The following EEF1D variants were observed in gnomAD, a reference collection of about 807,000 sequenced individuals.
EEF1D encodes the protein eukaryotic translation elongation factor 1 delta.
A neutral mutation model predicts 63.9 loss-of-function variants in EEF1D; 47 were observed. The ratio of observed to expected loss-of-function variants is 0.74; its 90% confidence interval spans 0.58 to 0.94. EEF1D has a LOEUF of 0.94. EEF1D is among the 40% of genes least tolerant of loss of function. EEF1D has a pLI of 0.00. For missense variants in EEF1D, 907 were observed against 899.0 expected (o/e 1.01, Z -0.11); for synonymous variants, 412 against 386.1 (o/e 1.07, Z -0.79).
rs145499695 is a variant in EEF1D at position 143,580,192 on chromosome 8, C to T, written c.1725G>A (p.Thr575=). ...LLDVKPWDDE[T]DMAQLEACVR... ...CACAGGCCTCCAGCTGGGCCATGTC[C>T]GTCTCATCATCCCACTGTGGGGAAA... The change falls in exon 9 of 10, where the codon ACG becomes ACA. Residue 575 remains threonine, a synonymous_variant. Transcript: ENST00000618139. The T allele has an allele frequency of 7.8e-5, 126 of 1,613,344 alleles. No homozygotes were observed. In the African/African-American group the frequency reaches 1.5e-3, roughly 19 times the overall value.
intron 5 of EEF1D, among the ~76,000 whole-genome samples, chr8:143,585,113 C>T (rs920004492): frequency 8.2e-4 from 125 of 152,226 alleles, no homozygotes; most frequent in African/African-American, 2.9e-3. Flanking sequence ...ATCTCCGGCG[C>T]CCACGTCCCA....
At chr8:143,586,937 G>A in intron 3 of EEF1D, 85 bp from the exon 4 acceptor site, 1 of 1,560,636 alleles carries the variant, frequency 6.4e-7, no homozygotes, top group South Asian at 1.2e-5. Flanking sequence ...GGTGCAGTGG[G>A]GCTGACACCC....
intron 3 of EEF1D, 191 bp downstream of exon 3, chr8:143,588,800 T>C (rs1587181425): frequency 6.6e-6 from 5 of 754,018 alleles, no homozygotes; most frequent in Admixed American, 3.1e-5. Flanking sequence ...TCAAGCAGTG[T>C]CCCTGGAACC....
chr8:143,585,307 T>C (rs1008440055), intron 5 of EEF1D, among the ~76,000 whole-genome samples: 12 of 151,886 alleles, frequency 7.9e-5, no homozygotes, highest in Non-Finnish European at 1.5e-4. Flanking sequence ...GAGATGGAAG[T>C]GGAGGCGGGG....
intron 5 of EEF1D, among the ~76,000 whole-genome samples, chr8:143,585,587 C>T (rs529694626): frequency 6.6e-6 from 1 of 152,220 alleles, no homozygotes; most frequent in Non-Finnish European, 1.5e-5. Flanking sequence ...GACACCACCC[C>T]GTCCCGGGGA....
chr8:143,591,682 C>T (rs973872555), intron 2 of EEF1D, among the ~76,000 whole-genome samples: 23 of 152,232 alleles, frequency 1.5e-4, no homozygotes, highest in Non-Finnish European at 2.5e-4. Flanking sequence ...ACCCAGTGGC[C>T]CCAGGGCACC....
In EEF1D at chr8:143,589,024, C is replaced by T. The variant is rs145843229; in HGVS notation, c.1058G>A (p.Arg353Gln). The T allele has an allele frequency of 7.7e-4, 1,226 of 1,600,676 alleles. 11 individuals are homozygous for T. Among genetic ancestry groups the T allele is most frequent in the Middle Eastern group, 2.9e-3 (15 of 5,150 alleles). The change falls in exon 3 of 10, where the codon CGG becomes CAG. Residue 353 changes from arginine to glutamine, a missense_variant. Coordinates refer to ENST00000618139, the MANE Select transcript of EEF1D (RefSeq NM_001130053.5). ...AASLSHRPGP[R>Q]SGLSVSSLRP... ...CAGGCTGGACACGGACAGGCCAGAC[C>T]GAGGACCGGGTCGGTGAGACAGGGA...
At chr8:143,590,514 A>C in intron 2 of EEF1D, 29 of 1,139,514 alleles carry the variant, frequency 2.5e-5, no homozygotes, top group East Asian at 8.8e-5. Context: ...TGGCCACCCC[A>C]CCATGGTGGC....
chr8:143,595,294 C>T (rs1275386177), intron 1 of EEF1D, among the ~76,000 whole-genome samples: 1 of 152,154 alleles, frequency 6.6e-6, no homozygotes, highest in Non-Finnish European at 1.5e-5. Flanking sequence ...TGGTCTCGAA[C>T]TCCTGACCTC....
intron 3 of EEF1D, 122 bp downstream of exon 3, chr8:143,588,869 C>A: frequency 7.5e-7 from 1 of 1,328,842 alleles, no homozygotes; most frequent in Non-Finnish European, 1.0e-6. Context: ...GCTGGGCCCA[C>A]GGGTCTCGGG....
intron 5 of EEF1D, chr8:143,582,954 A>T (rs1045026757): frequency 3.9e-5 from 6 of 152,092 alleles, no homozygotes; most frequent in African/African-American, 1.4e-4. Context: ...TCTGCTGAGC[A>T]CTCCCACCCC....
chr8:143,580,927 G>A (rs1825374542), intron 7 of EEF1D, 127 bp downstream of exon 7: 1 of 1,207,098 alleles, frequency 8.3e-7, no homozygotes, highest in African/African-American at 1.5e-5. Flanking sequence ...ACCTTCCTGG[G>A]GACCTGAGGA....
intron 1 of EEF1D, among the ~76,000 whole-genome samples, chr8:143,594,678 C>T (rs1158200670): frequency 6.6e-6 from 1 of 152,206 alleles, no homozygotes; most frequent in Non-Finnish European, 1.5e-5. Context: ...ACCGGCTCAG[C>T]CTGTGCACGC....
At chr8:143,592,304 T>C (rs1022047843) in intron 2 of EEF1D, 1 of 982,936 alleles carries the variant, frequency 1.0e-6, no homozygotes, top group Non-Finnish European at 1.2e-6. Flanking sequence ...CCTCAGACTA[T>C]GTTCTTGGGG....
intron 3 of EEF1D, chr8:143,587,375 G>A (rs1231206257): frequency 1.3e-5 from 2 of 152,230 alleles, no homozygotes; most frequent in Non-Finnish European, 2.9e-5. Flanking sequence ...TTGTCGCCCA[G>A]GCTGGAATCA....
At position 143,590,408 on chromosome 8, in the gene EEF1D, C is replaced by A. The variant is rs538877855; in HGVS notation, c.1-327G>T. The A allele has an allele frequency of 1.9e-5, 12 of 621,198 alleles. No homozygotes were observed. In the African/African-American group the frequency reaches 2.2e-4, roughly 12 times the overall value. The allele number at this position is 621,198 out of a possible 1,614,324, so 38.5% of individuals were successfully genotyped here. On this transcript the variant is annotated intron_variant, in intron 2 of 9. Coordinates refer to ENST00000618139, the MANE Select transcript of EEF1D (RefSeq NM_001130053.5). ...AGTGAATGTATGGCCCATGAAGTAT[C>A]TGAGACATACTTACACTAAAAATTT...
chr8:143,593,021 C>A (rs1229940820), intron 1 of EEF1D: 1 of 152,316 alleles, frequency 6.6e-6, no homozygotes, highest in Non-Finnish European at 1.5e-5. Flanking sequence ...AGCAAGGTAG[C>A]CTGAGACAAG....
At chr8:143,581,586 A>G (rs1329804587) in intron 5 of EEF1D, 1 of 555,064 alleles carries the variant, frequency 1.8e-6, no homozygotes, top group African/African-American at 1.9e-5. Context: ...GAGCTGGGCC[A>G]TGGCTGCTGC....
chr8:143,589,878 G>A lies in EEF1D; in HGVS notation c.204C>T (p.Gly68=), dbSNP rs759744448. 55 of 1,598,498 alleles carry A rather than the reference G, an allele frequency of 3.4e-5. No individual in the cohort carries two copies. Among genetic ancestry groups the A allele is most frequent in the South Asian group, 9.9e-5 (9 of 90,582 alleles). ...EDADEAEAPD[G]GSRRDPRKSQ... ...TCTTCCTGGGATCACGCCTGCTGCC[G>A]CCGTCAGGGGCTTCCGCCTCATCAG... The change falls in exon 3 of 10, where the codon GGC becomes GGT. Residue 68 remains glycine (G), a synonymous_variant. Transcript: ENST00000618139.
Sources: gnomAD v4.1 joint callset for allele counts (sites outside exome capture counted in the v4.1 genomes callset) on GRCh38, gnomAD v4.1.1 for gene constraint, MANE v1.5 for transcripts, NCBI Gene and HGNC (gene_info 2026-07-23, HGNC 2026-07-21) for gene names.